The following SYT9 variants were observed in gnomAD, a reference collection of about 807,000 sequenced individuals.
The protein encoded by SYT9 is synaptotagmin 9.
Under a neutral mutation model 48.4 loss-of-function variants are expected in SYT9, and 22 were observed. That is an observed-to-expected ratio of 0.45 (90% CI 0.32 to 0.65). The LOEUF is 0.65. SYT9 is among the 30% of genes least tolerant of loss of function. The pLI is 0.03. For synonymous variants in SYT9, 265 were observed against 245.0 expected (o/e 1.08, Z -0.76); for missense variants, 577 against 622.0 (o/e 0.93, Z 0.77).
chr11:7,245,443 T>C (rs574250807), intron 1 of SYT9, among the ~76,000 whole-genome samples: 70 of 152,248 alleles, frequency 4.6e-4, no homozygotes, highest in Non-Finnish European at 7.4e-4. Context: ...GTTTTTGTTT[T>C]TGTTTTTTGA....
intron 2 of SYT9, among the ~76,000 whole-genome samples, chr11:7,304,981 G>A (rs11041305): frequency 0.041 from 6,269 of 152,212 alleles, 464 homozygotes; most frequent in African/African-American, 0.14. Flanking sequence ...CTGTGATCTT[G>A]CTAGATTTGA....
At position 7,303,126 on chromosome 11, in the gene SYT9, G is replaced by T. The variant is rs376590070; in HGVS notation, c.233G>T (p.Cys78Phe). 49 of 1,614,048 alleles carry T rather than the reference G, an allele frequency of 3.0e-5. No homozygotes were observed. Among genetic ancestry groups the T allele is most frequent in the Non-Finnish European group, 3.9e-5 (46 of 1,180,040 alleles). ...TCTCTCTTCGTATCTTGGAAACTCT[G>T]CTGGGTTCCGTGGCGAGAACGAGGC... is the stretch of plus-strand genomic sequence containing the variant. ...GVSLFVSWKL[C>F]WVPWRERGLP... The change falls in exon 2 of 7, where the codon TGC (cysteine) becomes TTC (phenylalanine). Residue 78 changes from cysteine (C) to phenylalanine (F), a missense_variant. Coordinates refer to ENST00000318881, the MANE Select transcript of SYT9 (RefSeq NM_175733.4).
intron 3 of SYT9, among the ~76,000 whole-genome samples, chr11:7,379,469 T>C (rs1850518347): frequency 6.6e-6 from 1 of 152,108 alleles, no homozygotes; most frequent in African/African-American, 2.4e-5. Context: ...TCCCCTCAGA[T>C]ACAATGCATA....
At chr11:7,265,462 C>G (rs180735288) in intron 1 of SYT9, among the ~76,000 whole-genome samples, 253 of 152,258 alleles carry the variant, frequency 1.7e-3, no homozygotes, top group African/African-American at 5.8e-3. Flanking sequence ...CCAAGATTGA[C>G]TAAGTCAGCC....
At chr11:7,446,017 T>C (rs1343057347) in intron 6 of SYT9, among the ~76,000 whole-genome samples, 1 of 152,248 alleles carries the variant, frequency 6.6e-6, no homozygotes, top group African/African-American at 2.4e-5. Flanking sequence ...GTCACAAGGC[T>C]GGCTTTTGCC....
At chr11:7,415,832 G>T (rs529026325) in intron 3 of SYT9, among the ~76,000 whole-genome samples, 20 of 152,290 alleles carry the variant, frequency 1.3e-4, no homozygotes, top group African/African-American at 4.3e-4. Context: ...GCCATCCAAA[G>T]ATAGGCTGTG....
At chr11:7,346,723 G>T (rs549212561) in intron 3 of SYT9, among the ~76,000 whole-genome samples, 2 of 152,092 alleles carry the variant, frequency 1.3e-5, no homozygotes, top group African/African-American at 2.4e-5. Context: ...TAATTTGCTG[G>T]ATTTTCCTTG....
At chr11:7,319,521 G>A (rs922150276) in intron 3 of SYT9, among the ~76,000 whole-genome samples, 1 of 152,036 alleles carries the variant, frequency 6.6e-6, no homozygotes, top group African/African-American at 2.4e-5. Flanking sequence ...CTAGCTCAGT[G>A]GTAATTTGGG....
intron 3 of SYT9, among the ~76,000 whole-genome samples, chr11:7,407,360 ATTTTTTTTTTTT>A (rs756378336): frequency 2.6e-5 from 1 of 37,756 alleles, no homozygotes; most frequent in Non-Finnish European, 4.2e-5. Flanking sequence ...TAAGTCTATA[ATTTTTTTTTTTT>A]TTTTTTTTTT....
chr11:7,465,454 T>C (rs1011388266), intron 6 of SYT9, among the ~76,000 whole-genome samples: 1 of 152,254 alleles, frequency 6.6e-6, no homozygotes, highest in Non-Finnish European at 1.5e-5. Flanking sequence ...CCTATATCCA[T>C]AGAAGTCACT....
Position 7,252,201 on chromosome 11 carries a change from G to A in SYT9, c.15G>A (p.Arg5=), listed in dbSNP as rs538338465. MPGA[R]DALCHQALQL... ...GCGGGGGGGCGATGCCCGGGGCCAG[G>A]GACGCGCTCTGTCACCAGGCGCTGC... Residue 5 remains arginine (R), a synonymous_variant, in exon 1 of 7, where the codon AGG becomes AGA. Coordinates refer to ENST00000318881, the MANE Select transcript of SYT9 (RefSeq NM_175733.4). This position sits in a 1 kb window ranked among gnomAD's most constrained non-coding sequence, Gnocchi z 6.3. 31 of 1,467,356 alleles carry A rather than the reference G, an allele frequency of 2.1e-5. No individual in the cohort carries two copies. In the African/African-American group the frequency reaches 4.3e-4, roughly 20 times the overall value. 90.9% of individuals were successfully genotyped at this position (1,467,356 alleles called of 1,614,324 possible).
At chr11:7,428,915 T>C (rs764683083) in intron 6 of SYT9, among the ~76,000 whole-genome samples, 17 of 152,098 alleles carry the variant, frequency 1.1e-4, no homozygotes, top group African/African-American at 4.1e-4. Flanking sequence ...TTCTAAGGAA[T>C]AGAAATTGGG....
chr11:7,287,362 A>G (rs1259129085), intron 1 of SYT9, among the ~76,000 whole-genome samples: 1 of 152,310 alleles, frequency 6.6e-6, no homozygotes. Context: ...ATATGTGGGG[A>G]TTATGGGAAC....
At chr11:7,264,927 C>T (rs560459438) in intron 1 of SYT9, among the ~76,000 whole-genome samples, 1 of 152,144 alleles carries the variant, frequency 6.6e-6, no homozygotes, top group South Asian at 2.1e-4. Flanking sequence ...CAAGGATGGG[C>T]AGTTGTGGTG....
At chr11:7,333,602 C>G (rs1849581150) in intron 3 of SYT9, among the ~76,000 whole-genome samples, 1 of 152,156 alleles carries the variant, frequency 6.6e-6, no homozygotes, top group Admixed American at 6.5e-5. Context: ...TGTAAAGATA[C>G]TCCTCTATTA....
intron 3 of SYT9, among the ~76,000 whole-genome samples, chr11:7,386,969 T>TA (rs1850673270): frequency 6.6e-6 from 1 of 152,116 alleles, no homozygotes; most frequent in African/African-American, 2.4e-5. Context: ...TATGCAGCCA[T>TA]AAAAAATGAT....
At chr11:7,277,520 T>A (rs960646) in intron 1 of SYT9, among the ~76,000 whole-genome samples, 82,124 of 152,116 alleles carry the variant, frequency 0.54, 22,397 homozygotes, top group Middle Eastern at 0.58. Context: ...TACATCCATT[T>A]TTTTTTGTCT....
intron 1 of SYT9, among the ~76,000 whole-genome samples, chr11:7,283,036 C>G (rs892524033): frequency 1.3e-5 from 2 of 151,102 alleles, no homozygotes; most frequent in African/African-American, 4.9e-5. Flanking sequence ...CAGAGGCAAC[C>G]ATTTTTATTT....
chr11:7,247,111 T>A (rs1847801627), upstream of SYT9, among the ~76,000 whole-genome samples: 1 of 152,338 alleles, frequency 6.6e-6, no homozygotes, highest in East Asian at 1.9e-4. Flanking sequence ...AATTATTTTT[T>A]ATTTCTATAG....
Sources: allele counts gnomAD v4.1 joint callset (sites outside exome capture counted in the v4.1 genomes callset), GRCh38; gene constraint gnomAD v4.1.1; non-coding constraint Gnocchi (gnomAD v3.1); transcripts MANE v1.5; gene names NCBI Gene and HGNC (gene_info 2026-07-23, HGNC 2026-07-21).